SV2C: variants seen among roughly 807,000 people sequenced by gnomAD.
SV2C encodes synaptic vesicle glycoprotein 2C.
SV2C carries 49 observed loss-of-function variants against 79.7 expected under a neutral mutation model. The ratio of observed to expected loss-of-function variants is 0.61; its 90% CI spans 0.49 to 0.78. The LOEUF (loss-of-function observed/expected upper bound fraction) is 0.78, where lower values mean the gene tolerates loss of function less well. Among genes scored for constraint, SV2C ranks in the 30% least tolerant of loss-of-function variants. The pLI is 0.00. For synonymous variants in SV2C, 334 were observed against 333.2 expected (o/e 1.00, Z -0.03); for missense variants, 833 against 912.9 (o/e 0.91, Z 1.13).
At chr5:75,998,899 A>C in the SV2C span, among the ~76,000 whole-genome samples, 2 of 152,052 alleles carry the variant, frequency 1.3e-5, no homozygotes, top group Admixed American at 6.6e-5. Flanking sequence ...TTTGTGTATT[A>C]GTCCATTTTC....
chr5:76,024,029 C>G, the SV2C span, among the ~76,000 whole-genome samples: 1 of 151,906 alleles, frequency 6.6e-6, no homozygotes, highest in Non-Finnish European at 1.5e-5. Flanking sequence ...TCACTCCTAG[C>G]TGAGAATCAC....
At chr5:76,184,864 CCCTT>C (rs1743864517) in intron 2 of SV2C, among the ~76,000 whole-genome samples, 1 of 152,196 alleles carries the variant, frequency 6.6e-6, no homozygotes. Flanking sequence ...CACAATCATG[CCCTT>C]CCAACAGTCC....
rs531943604 is a variant in SV2C at position 76,299,389 on chromosome 5, ATT to A, written c.1636+463_1636+464del. 1.8e-3 allele frequency among the ~76,000 whole-genome samples: 274 copies of A among 152,356 alleles called. 1 individual carries two copies. The highest frequency in any genetic ancestry group is 6.1e-3 in the African/African-American group (254 of 41,582). On this transcript the variant is annotated intron_variant, in intron 10 of 12. Coordinates refer to ENST00000502798, the MANE Select transcript of SV2C (RefSeq NM_014979.4). ...AAAAAAGGAAGGCAAACAAGCATTG[ATT>A]GAACACCTATATACTGTTTTCTACT...
chr5:75,987,417 A>T, the SV2C span, among the ~76,000 whole-genome samples: 1 of 151,890 alleles, frequency 6.6e-6, no homozygotes, highest in African/African-American at 2.4e-5. Flanking sequence ...ATTCAGGTAC[A>T]ACATCTATCT....
chr5:76,075,828 C>T, the SV2C span: 19 of 221,986 alleles, frequency 8.6e-5, no homozygotes, highest in Admixed American at 8.6e-4. Flanking sequence ...TGATGAATAA[C>T]CCTAAAGTGG....
At chr5:76,184,811 T>A (rs9293678) in intron 2 of SV2C, among the ~76,000 whole-genome samples, 1,907 of 152,120 alleles carry the variant, frequency 0.013, 17 homozygotes, top group Non-Finnish European at 0.019. Flanking sequence ...CATATCATTC[T>A]ACCCCAAGCC....
intron 12 of SV2C, chr5:76,353,035 G>A (rs1749671879): frequency 2.3e-6 from 1 of 439,004 alleles, no homozygotes; most frequent in African/African-American, 2.0e-5. Flanking sequence ...ATCTTAACTG[G>A]GCTCAAGTGA....
At chr5:75,937,082 A>G in the SV2C span, among the ~76,000 whole-genome samples, 2 of 152,332 alleles carry the variant, frequency 1.3e-5, no homozygotes, top group South Asian at 4.1e-4. Flanking sequence ...AGATAGTAAC[A>G]CTAATCTGTA....
intron 12 of SV2C, among the ~76,000 whole-genome samples, chr5:76,339,550 T>C (rs1048274536): frequency 2.8e-4 from 42 of 151,976 alleles, no homozygotes; most frequent in African/African-American, 9.9e-4. Flanking sequence ...CTGTCTCTAC[T>C]AAAAATACAA....
At chr5:76,179,466 G>C (rs1419904774) in intron 2 of SV2C, among the ~76,000 whole-genome samples, 1 of 152,150 alleles carries the variant, frequency 6.6e-6, no homozygotes, top group African/African-American at 2.4e-5. Context: ...GTTTTTCTCT[G>C]AGAAGCGGAT....
At chr5:76,306,573 G>A (rs1748201084) in intron 12 of SV2C, among the ~76,000 whole-genome samples, 1 of 152,194 alleles carries the variant, frequency 6.6e-6, no homozygotes, top group African/African-American at 2.4e-5. Flanking sequence ...AACCTTAGCT[G>A]CTAGTTATAA....
chr5:76,010,133 C>T, the SV2C span, among the ~76,000 whole-genome samples: 2 of 151,408 alleles, frequency 1.3e-5, no homozygotes, highest in African/African-American at 2.4e-5. Flanking sequence ...GAGTTCAATA[C>T]CTATTTGTTG....
At chr5:75,969,131 A>AT in the SV2C span, among the ~76,000 whole-genome samples, 2 of 152,192 alleles carry the variant, frequency 1.3e-5, no homozygotes, top group Non-Finnish European at 2.9e-5. Flanking sequence ...ATGCTGAGAG[A>AT]TTTTGTCACC....
the SV2C span, among the ~76,000 whole-genome samples, chr5:75,979,411 A>G: frequency 4.0e-5 from 6 of 151,798 alleles, no homozygotes; most frequent in Admixed American, 2.6e-4. Context: ...CCACCCCAAA[A>G]CAACACAATA....
chr5:76,271,044 C>G (rs868151593), intron 4 of SV2C, among the ~76,000 whole-genome samples: 1 of 152,068 alleles, frequency 6.6e-6, no homozygotes, highest in Non-Finnish European at 1.5e-5. Context: ...GCTGGTATTA[C>G]CAGTGTGAGA....
intron 4 of SV2C, among the ~76,000 whole-genome samples, chr5:76,252,045 A>G (rs1037441226): frequency 1.3e-5 from 2 of 152,168 alleles, no homozygotes; most frequent in African/African-American, 4.8e-5. Context: ...CATTAACCAG[A>G]CTAATTCCAG....
chr5:76,142,903 C>CTTTTTTTTTTTTTTTTTTTTTTTTTGTTT (rs372569739), intron 2 of SV2C, among the ~76,000 whole-genome samples: 1 of 134,574 alleles, frequency 7.4e-6, no homozygotes, highest in Non-Finnish European at 1.6e-5. Context: ...TTTTCTTTTC[C>CTTTTTTTTTTTTTTTTTTTTTTTTTGTTT]TTTTTTTTTG....
chr5:76,113,604 C>T (rs1274521738), intron 1 of SV2C, among the ~76,000 whole-genome samples: 2 of 152,160 alleles, frequency 1.3e-5, no homozygotes, highest in East Asian at 3.9e-4. Flanking sequence ...ATTCAGTAGT[C>T]CACTTGGGAG....
the SV2C span, among the ~76,000 whole-genome samples, chr5:75,865,657 G>A: frequency 6.6e-6 from 1 of 152,210 alleles, no homozygotes; most frequent in Non-Finnish European, 1.5e-5. Context: ...CTGTTCAGGA[G>A]CCTAGGAAGA....
Sources: gnomAD v4.1 joint callset for allele counts (sites outside exome capture counted in the v4.1 genomes callset) on GRCh38, gnomAD v4.1.1 for gene constraint, MANE v1.5 for transcripts, NCBI Gene and HGNC (gene_info 2026-07-23, HGNC 2026-07-21) for gene names.